PRDM4: variants seen among roughly 807,000 people sequenced by gnomAD.
The protein encoded by PRDM4 is PR domain zinc finger protein 4.
PRDM4 carries 38 observed loss-of-function variants against 62.3 expected under a neutral mutation model. The observed-to-expected ratio is 0.61, with a 90% CI of 0.47 to 0.80. The LOEUF (loss-of-function observed/expected upper bound fraction) is 0.80, where lower values mean the gene tolerates loss of function less well. PRDM4 is among the 30% of genes least tolerant of loss of function. PRDM4 has a pLI of 0.00. For missense variants in PRDM4, 858 were observed against 997.1 expected (o/e 0.86, Z 1.88); for synonymous variants, 339 against 348.2 (o/e 0.97, Z 0.30).
chr12:107,760,512 G>A lies in PRDM4; in HGVS notation c.4C>T (p.His2Tyr), dbSNP rs1891208349. ...GCCCACCTCCCTACTCACCTGTGAT[G>A]CATCGGCTTGGGGCCAAATATCAGA... is the stretch of plus-strand genomic sequence containing the variant. M[H>Y]HRMNEMNLSP... The change falls in exon 2 of 12, where the codon CAT (histidine) becomes TAT (tyrosine). Residue 2 changes from histidine (H) to tyrosine (Y), a missense_variant. By Grantham distance (83) the His-to-Tyr change is moderately conservative. This residue lies in a region of PRDM4 where 499 missense variants were observed against 546.7 expected (regional missense o/e 0.91). Transcript: ENST00000228437. The A allele has an allele frequency of 6.2e-7, 1 of 1,613,398 alleles. No individual in the cohort carries two copies. Among genetic ancestry groups the A allele is most frequent in the Non-Finnish European group, 8.5e-7 (1 of 1,179,744 alleles).
chr12:107,756,790 GA>G (rs1565834613), intron 3 of PRDM4, 41 bp downstream of exon 3: 1 of 1,609,330 alleles, frequency 6.2e-7, no homozygotes, highest in Non-Finnish European at 8.5e-7. Context: ...ATTGATAACA[GA>G]GTTAAGTGTT....
chr12:107,740,025 CCTCTA>C (rs774375579), intron 10 of PRDM4, among the ~76,000 whole-genome samples: 8 of 152,124 alleles, frequency 5.3e-5, no homozygotes, highest in Non-Finnish European at 1.2e-4. Context: ...AAATAAGATT[CCTCTA>C]AGGGGTCAGC....
At chr12:107,744,814 C>T in intron 6 of PRDM4, 153 bp from the exon 7 acceptor site, 1 of 1,041,108 alleles carries the variant, frequency 9.6e-7, no homozygotes, top group Non-Finnish European at 1.3e-6. Flanking sequence ...TATCCCGGCA[C>T]TTTGGGAGGC....
chr12:107,747,831 T>G, intron 5 of PRDM4, among the ~76,000 whole-genome samples: 1 of 152,130 alleles, frequency 6.6e-6, no homozygotes, highest in Non-Finnish European at 1.5e-5. Context: ...GGTCCCGATC[T>G]GTCACCAAGG....
chr12:107,754,484 G>A (rs1272639799), intron 3 of PRDM4, among the ~76,000 whole-genome samples: 3 of 152,150 alleles, frequency 2.0e-5, no homozygotes, highest in Non-Finnish European at 4.4e-5. Flanking sequence ...CTGGGTTCAA[G>A]CAATTCTCCT....
chr12:107,743,800 T>C (rs1365448205), intron 7 of PRDM4, among the ~76,000 whole-genome samples: 1 of 152,230 alleles, frequency 6.6e-6, no homozygotes, highest in Non-Finnish European at 1.5e-5. Context: ...AAATGTTGTA[T>C]TTCTAACCCC....
chr12:107,754,180 C>G, intron 3 of PRDM4, 71 bp from the exon 4 acceptor site: 3 of 1,258,582 alleles, frequency 2.4e-6, no homozygotes, highest in Non-Finnish European at 3.3e-6. Flanking sequence ...CAACCACTGG[C>G]TAAACTCTTA....
At chr12:107,753,532 T>C (rs1890967238) in intron 4 of PRDM4, among the ~76,000 whole-genome samples, 1 of 152,208 alleles carries the variant, frequency 6.6e-6, no homozygotes, top group African/African-American at 2.4e-5. Context: ...CCTTATTTGC[T>C]AAATTTTCCG....
At chr12:107,746,537 T>A (rs1260538835) in intron 5 of PRDM4, 113 bp from the exon 6 acceptor site, 12 of 1,033,252 alleles carry the variant, frequency 1.2e-5, no homozygotes, top group African/African-American at 1.7e-5. Context: ...CAGGCTGGAG[T>A]GCAATGGCGC....
At chr12:107,744,697 A>T (rs1430066284) in intron 6 of PRDM4, 36 bp from the exon 7 acceptor site, 2 of 1,608,404 alleles carry the variant, frequency 1.2e-6, no homozygotes, top group Non-Finnish European at 1.7e-6. Flanking sequence ...ACAATCAATG[A>T]TTTAAACAGC....
chr12:107,744,526 G>C lies in PRDM4; in HGVS notation c.1395+17C>G, dbSNP rs970570241. On this transcript the variant is annotated intron_variant, in intron 7 of 11. Transcript: ENST00000228437. The stretch of plus-strand genomic sequence containing the variant: ...AAAAACAGCCAAAAGCCACAGAAAA[G>C]TTTCATCAGGACTGACCTTCCAGAT... The C allele has an allele frequency of 6.2e-6, 10 of 1,600,472 alleles. No individual in the cohort carries two copies. The highest frequency in any genetic ancestry group is 1.7e-5 in the Admixed American group (1 of 58,994).
At chr12:107,739,823 T>C (rs1208320532) in intron 10 of PRDM4, among the ~76,000 whole-genome samples, 1 of 151,128 alleles carries the variant, frequency 6.6e-6, no homozygotes, top group African/African-American at 2.4e-5. Flanking sequence ...TACATAAAAC[T>C]TGAAAAAAAT....
chr12:107,742,116 G>T (rs552047386), intron 9 of PRDM4, 105 bp downstream of exon 9: 22 of 1,229,896 alleles, frequency 1.8e-5, no homozygotes, highest in Non-Finnish European at 2.3e-5. Context: ...ACAAACAAAG[G>T]TATATGATTT....
At chr12:107,743,305 C>T in intron 7 of PRDM4, 23 bp from the exon 8 acceptor site, 5 of 1,528,272 alleles carry the variant, frequency 3.3e-6, no homozygotes, top group Non-Finnish European at 4.5e-6. Flanking sequence ...AGCAAGCACA[C>T]ATGTCAAATG....
At position 107,751,526 on chromosome 12, in the gene PRDM4, C is replaced by T; in HGVS notation, c.1015G>A (p.Gly339Arg). 1.2e-6 allele frequency: 2 copies of T among 1,612,576 alleles called. No homozygotes were observed. Among genetic ancestry groups the T allele is most frequent in the Non-Finnish European group, 1.7e-6 (2 of 1,178,572 alleles). ...VSSITQEVAM[G>R]TGHVDVSSDS... is the part of the protein sequence containing the mutation. ...GAAGATACATCTACATGACCTGTCC[C>T]CATAGCAACCTCCTGGGTGATGGAG... Residue 339 changes from glycine to arginine, a missense_variant, in exon 5 of 12, where the codon GGG (glycine) becomes AGG (arginine). Physicochemically the swap from Gly to Arg is moderately radical, Grantham distance 125 (BLOSUM62 -2). Around this residue, in one of 3 missense-constraint regions of PRDM4, gnomAD observed 499 missense variants for 546.7 expected, o/e 0.91. Coordinates refer to ENST00000228437, the MANE Select transcript of PRDM4 (RefSeq NM_012406.4).
At chr12:107,759,662 A>G (rs1264874015) in intron 2 of PRDM4, 2 of 152,252 alleles carry the variant, frequency 1.3e-5, no homozygotes, top group South Asian at 2.1e-4. Context: ...AACCAAAGGT[A>G]ATGAGTATCC....
intron 11 of PRDM4, among the ~76,000 whole-genome samples, chr12:107,737,285 G>T (rs182270115): frequency 6.6e-6 from 1 of 152,126 alleles, no homozygotes. Context: ...TATCCACTTT[G>T]AAATGCCCCA....
chr12:107,745,615 T>C (rs1339697503), intron 6 of PRDM4, among the ~76,000 whole-genome samples: 2 of 152,124 alleles, frequency 1.3e-5, no homozygotes, highest in African/African-American at 4.8e-5. Flanking sequence ...CAGAAAACAT[T>C]ATTCTATTGT....
intron 5 of PRDM4, among the ~76,000 whole-genome samples, chr12:107,749,181 A>C (rs564357363): frequency 2.6e-5 from 4 of 152,208 alleles, no homozygotes; most frequent in African/African-American, 9.6e-5. Context: ...GCCACAAATA[A>C]CATCTTAATG....
Sources: allele counts gnomAD v4.1 joint callset (sites outside exome capture counted in the v4.1 genomes callset), GRCh38; gene constraint gnomAD v4.1.1; regional missense constraint gnomAD v4.1.1; transcripts MANE v1.5; gene names NCBI Gene and HGNC (gene_info 2026-07-23, HGNC 2026-07-21).